The following PHACTR1 variants were observed in gnomAD, a reference collection of about 807,000 sequenced individuals.
The protein encoded by PHACTR1 is phosphatase and actin regulator 1.
PHACTR1 carries 16 observed loss-of-function variants against 69.2 expected under a neutral mutation model. The ratio of observed to expected loss-of-function variants is 0.23; its 90% CI spans 0.16 to 0.35. The LOEUF (loss-of-function observed/expected upper bound fraction) is 0.35, where lower values mean the gene tolerates loss of function less well. Among genes scored for constraint, PHACTR1 ranks in the 10% least tolerant of loss-of-function variants. The pLI, the probability that PHACTR1 is intolerant of heterozygous loss-of-function variation, is 1.00. For missense variants in PHACTR1, 510 were observed against 734.7 expected, an observed-to-expected ratio of 0.69 and a Z score of 3.54; for synonymous variants, 312 against 284.5, an observed-to-expected ratio of 1.10 and a Z score of -0.97.
At chr6:13,158,572 A>G (rs1758525414) in intron 5 of PHACTR1, among the ~76,000 whole-genome samples, 1 of 152,246 alleles carries the variant, frequency 6.6e-6, no homozygotes, top group South Asian at 2.1e-4. Context: ...CATTTTTAAA[A>G]TAGTAAGTTC....
In PHACTR1 at chr6:12,923,979, G is replaced by C. The variant is rs574053674; in HGVS notation, c.251-129386G>C. On this transcript the variant is annotated intron_variant, in intron 4 of 14. Transcript: ENST00000332995. ...GGATAATGAAGAGCTTCTGTTCGTG[G>C]TAATAAGGTAACATTCTAAAGTAAA... Among the ~76,000 whole-genome samples the C allele has an allele frequency of 9.7e-4, 148 of 152,164 alleles. 1 individual carries two copies. The highest frequency in any genetic ancestry group is 2.8e-4 in the Non-Finnish European group (19 of 68,028).
At chr6:12,720,452 G>A (rs1043539519) in intron 3 of PHACTR1, among the ~76,000 whole-genome samples, 25 of 152,142 alleles carry the variant, frequency 1.6e-4, no homozygotes, top group African/African-American at 6.0e-4. Flanking sequence ...TGGGAGGCTC[G>A]GGAGGACTCA....
chr6:13,135,146 A>T lies in PHACTR1; in HGVS notation c.416-25058A>T, dbSNP rs188902333. ...GCTAACTCTCACCACCTCCCACTAA[A>T]CCGTTTTCCTGAGGGCAGAAATCCA... On this transcript the variant is annotated intron_variant, in intron 5 of 14. Coordinates refer to ENST00000332995, the MANE Select transcript of PHACTR1 (RefSeq NM_030948.6). Among the ~76,000 whole-genome samples, 877 of 152,218 alleles carry T rather than the reference A, an allele frequency of 5.8e-3. 7 individuals are homozygous for T. The highest frequency in any genetic ancestry group is 9.9e-3 in the Non-Finnish European group (674 of 68,010).
At chr6:13,268,159 C>T (rs187944904) in intron 10 of PHACTR1, among the ~76,000 whole-genome samples, 385 of 152,220 alleles carry the variant, frequency 2.5e-3, no homozygotes, top group Non-Finnish European at 4.1e-3. Flanking sequence ...CCCAGCTACT[C>T]GGGAAGCTGA....
At chr6:12,907,397 A>G (rs1785862073) in intron 4 of PHACTR1, among the ~76,000 whole-genome samples, 1 of 152,254 alleles carries the variant, frequency 6.6e-6, no homozygotes. Context: ...TCTCCACTAT[A>G]TAAGACTTCT....
chr6:12,735,414 C>T (rs73722810), intron 3 of PHACTR1, among the ~76,000 whole-genome samples: 2,032 of 152,222 alleles, frequency 0.013, 46 homozygotes, highest in African/African-American at 0.046. Context: ...TGCCAAGAGT[C>T]GGGGTTCATC....
chr6:13,084,537 T>A lies in PHACTR1; in HGVS notation c.415+31008T>A, dbSNP rs1041300201. 2.0e-5 allele frequency among the ~76,000 whole-genome samples: 3 copies of A among 150,960 alleles called. No homozygotes were observed. The East Asian group carries it at 5.8e-4, about 29-fold the overall frequency. ...TTAAAGTATAATTAAAAAAAAGAATTAATACAAATTAAAAAAAAAGAAAAA... is the reference window on the plus strand; with the variant it reads ...TTAAAGTATAATTAAAAAAAAGAATAAATACAAATTAAAAAAAAAGAAAAA... On this transcript the variant is annotated intron_variant, in intron 5 of 14. Transcript: ENST00000332995.
At chr6:12,790,228 A>G (rs1772092049) in intron 4 of PHACTR1, among the ~76,000 whole-genome samples, 1 of 152,172 alleles carries the variant, frequency 6.6e-6, no homozygotes, top group Non-Finnish European at 1.5e-5. Context: ...ACATGACCTC[A>G]AGGCCCTTCA....
intron 4 of PHACTR1, among the ~76,000 whole-genome samples, chr6:12,962,973 C>A (rs1338292679): frequency 6.6e-6 from 1 of 152,156 alleles, no homozygotes; most frequent in African/African-American, 2.4e-5. Context: ...AATACACACA[C>A]CTCAGCACAT....
At chr6:12,802,082 A>ATATTATTTTATATAATAAAGTAAATT (rs577425162) in intron 4 of PHACTR1, among the ~76,000 whole-genome samples, 1 of 148,000 alleles carries the variant, frequency 6.8e-6, no homozygotes, top group African/African-American at 2.5e-5. Flanking sequence ...ATTGAGCTAC[A>ATATTATTTTATATAATAAAGTAAATT]TATTATATAA....
At chr6:13,231,121 G>A (rs2127338794) in intron 10 of PHACTR1, among the ~76,000 whole-genome samples, 1 of 128,654 alleles carries the variant, frequency 7.8e-6, no homozygotes, top group African/African-American at 3.7e-5. Flanking sequence ...AGGAAAGAGA[G>A]AAAGAAAGAA....
chr6:13,029,291 A>T (rs949346305), intron 4 of PHACTR1, among the ~76,000 whole-genome samples: 1 of 152,214 alleles, frequency 6.6e-6, no homozygotes, highest in Admixed American at 6.5e-5. Flanking sequence ...ACTTCAGGGG[A>T]TGCCCTGCAT....
intron 7 of PHACTR1, among the ~76,000 whole-genome samples, chr6:13,188,939 G>A (rs1763148441): frequency 6.6e-6 from 1 of 152,222 alleles, no homozygotes; most frequent in Non-Finnish European, 1.5e-5. Flanking sequence ...TCCTTGGAGT[G>A]ATGGGTGACC....
In PHACTR1 at chr6:13,283,626, C is replaced by T; in HGVS notation, c.1650+64C>T. ...CGTCTGCTGGGTCTCGCTGGGCTCA[C>T]CGCTGGGGAGCGTGTAGGGAGACCT... On this transcript the variant is annotated intron_variant, in intron 13 of 14. Transcript: ENST00000332995. This position sits in a 1 kb window ranked among gnomAD's most constrained non-coding sequence, Gnocchi z 4.7. 2 of 1,611,644 alleles carry T rather than the reference C, an allele frequency of 1.2e-6. No homozygotes were observed. Among genetic ancestry groups the T allele is most frequent in the Non-Finnish European group, 1.7e-6 (2 of 1,179,226 alleles).
chr6:13,170,821 C>T (rs1760492474), intron 6 of PHACTR1, among the ~76,000 whole-genome samples: 1 of 152,178 alleles, frequency 6.6e-6, no homozygotes, highest in African/African-American at 2.4e-5. Flanking sequence ...CTGCCGCCAG[C>T]AAGGCCATGC....
Position 12,717,199 on chromosome 6 carries a change from C to A in PHACTR1, c.-282+303C>A, listed in dbSNP as rs929887313. 2.0e-5 allele frequency among the ~76,000 whole-genome samples: 3 copies of A among 152,188 alleles called. No homozygotes were observed. In the South Asian group the frequency reaches 6.2e-4, roughly 32 times the overall value. ...TTTCCCTAAACTCCCCCATTCCCTG[C>A]CACTCTTAGGCCAGCATTAGGGTAA... On this transcript the variant is annotated intron_variant, in intron 1 of 14. Transcript: ENST00000332995.
chr6:13,203,385 T>C (rs1183887398), intron 7 of PHACTR1, among the ~76,000 whole-genome samples: 2 of 152,128 alleles, frequency 1.3e-5, no homozygotes, highest in Non-Finnish European at 2.9e-5. Flanking sequence ...TCTGTAAACA[T>C]GAGATAATAA....
At chr6:13,230,564 AAAGG>A (rs1343680786) in intron 10 of PHACTR1, among the ~76,000 whole-genome samples, 2 of 147,514 alleles carry the variant, frequency 1.4e-5, no homozygotes, top group Admixed American at 6.9e-5. Flanking sequence ...AAAAAAAAAA[AAAGG>A]AAGAGACAAT....
At chr6:13,199,940 T>C (rs1486667613) in intron 7 of PHACTR1, among the ~76,000 whole-genome samples, 2 of 152,220 alleles carry the variant, frequency 1.3e-5, no homozygotes, top group East Asian at 3.8e-4. Context: ...AAGATAATCA[T>C]TAGGTGAATA....
Sources: allele counts gnomAD v4.1 joint callset (sites outside exome capture counted in the v4.1 genomes callset), GRCh38; gene constraint gnomAD v4.1.1; non-coding constraint Gnocchi (gnomAD v3.1); transcripts MANE v1.5; gene names NCBI Gene and HGNC (gene_info 2026-07-23, HGNC 2026-07-21).